Variants in PCSK6 observed in about 807,000 individuals in gnomAD.
The protein encoded by PCSK6 is proprotein convertase subtilisin/kexin type 6.
PCSK6 carries 85 observed loss-of-function variants against 123.3 expected under a neutral mutation model. The observed-to-expected ratio is 0.69, with a 90% CI of 0.58 to 0.83. The LOEUF is 0.83. PCSK6 is among the 40% of genes least tolerant of loss of function. The pLI is 0.00. For synonymous variants in PCSK6, 508 were observed against 516.0 expected (o/e 0.98, Z 0.21); for missense variants, 1,191 against 1,282.3 (o/e 0.93, Z 1.09).
At chr15:101,407,470 G>A (rs75648023) in intron 6 of PCSK6, among the ~76,000 whole-genome samples, 2,108 of 152,214 alleles carry the variant, frequency 0.014, 46 homozygotes, top group African/African-American at 0.047. Flanking sequence ...CATCAGGAGT[G>A]TGCTTTTCAC....
At chr15:101,478,977 T>C (rs539607764) in intron 1 of PCSK6, among the ~76,000 whole-genome samples, 13 of 152,342 alleles carry the variant, frequency 8.5e-5, no homozygotes, top group South Asian at 2.1e-4. Context: ...TCACAGGTCC[T>C]GATATAAAAA....
At chr15:101,402,142 C>G (rs994952435) in intron 6 of PCSK6, among the ~76,000 whole-genome samples, 1 of 147,410 alleles carries the variant, frequency 6.8e-6, no homozygotes, top group African/African-American at 2.5e-5. Flanking sequence ...TGATCTTTGA[C>G]AAACCTGAGA....
At chr15:101,347,666 C>T in intron 13 of PCSK6, 12 of 1,590,464 alleles carry the variant, frequency 7.5e-6, no homozygotes, top group Non-Finnish European at 6.9e-6. Context: ...CAAAGGCAGC[C>T]AAAGTTCTAA....
chr15:101,484,283 T>A (rs2057965702), intron 1 of PCSK6, among the ~76,000 whole-genome samples: 1 of 152,250 alleles, frequency 6.6e-6, no homozygotes, highest in Non-Finnish European at 1.5e-5. Flanking sequence ...CATTGCTAAC[T>A]AGAATTTGAT....
chr15:101,399,124 C>A (rs1157118162), intron 6 of PCSK6, among the ~76,000 whole-genome samples: 1 of 152,202 alleles, frequency 6.6e-6, no homozygotes, highest in African/African-American at 2.4e-5. Context: ...TGGTCTCGAA[C>A]TCCTGACCTC....
At chr15:101,467,330 T>C (rs139635088) in intron 1 of PCSK6, among the ~76,000 whole-genome samples, 3,872 of 151,226 alleles carry the variant, frequency 0.026, 172 homozygotes, top group African/African-American at 0.084. Context: ...TGGAGTGCAA[T>C]GGCACGATCA....
chr15:101,487,431 G>A (rs1166642363), intron 1 of PCSK6, among the ~76,000 whole-genome samples: 1 of 152,244 alleles, frequency 6.6e-6, no homozygotes, highest in Non-Finnish European at 1.5e-5. Flanking sequence ...AAAACCAGGA[G>A]AGCAGACTGC....
Position 101,366,313 on chromosome 15 carries a change from C to A in PCSK6, c.1741G>T (p.Glu581Ter). Residue 581 changes from glutamate to a stop codon, truncating the protein, a stop_gained, in exon 13 of 22, where the codon GAA becomes TAA. Transcript: ENST00000611716. LOFTEE classifies it high-confidence loss of function. ...ATGAATTCCCAGTTTGTAAACCCTT[C>A]ATTGGAAAGATCCAGCAACCTGCAA... ...LAKRLLDLSN[E>*]GFTNWEFMTV... is the part of the protein sequence containing the mutation. 2 of 1,612,808 alleles carry A rather than the reference C, an allele frequency of 1.2e-6. No individual in the cohort carries two copies. The highest frequency in any genetic ancestry group is 1.7e-6 in the Non-Finnish European group (2 of 1,179,392).
At chr15:101,413,035 G>GGAA (rs2055758385) in intron 6 of PCSK6, among the ~76,000 whole-genome samples, 1 of 151,456 alleles carries the variant, frequency 6.6e-6, no homozygotes, top group African/African-American at 2.4e-5. Flanking sequence ...AGGAGGAGGA[G>GGAA]GAGGAGGAAA....
At chr15:101,413,866 C>T (rs190613540) in intron 6 of PCSK6, among the ~76,000 whole-genome samples, 15 of 152,178 alleles carry the variant, frequency 9.9e-5, no homozygotes, top group Non-Finnish European at 1.9e-4. Context: ...CTGTATTGTA[C>T]TCTTCAAATT....
At chr15:101,434,581 T>C (rs1156894451) in intron 2 of PCSK6, among the ~76,000 whole-genome samples, 3 of 152,240 alleles carry the variant, frequency 2.0e-5, no homozygotes, top group Non-Finnish European at 4.4e-5. Flanking sequence ...TGTGATAGCC[T>C]GCGGCCCGCA....
intron 1 of PCSK6, among the ~76,000 whole-genome samples, chr15:101,467,845 C>T (rs999319132): frequency 2.6e-5 from 4 of 152,122 alleles, no homozygotes; most frequent in East Asian, 1.9e-4. Context: ...ACATCTACGC[C>T]GGAGATACGC....
At chr15:101,437,207 A>G (rs965926671) in intron 2 of PCSK6, among the ~76,000 whole-genome samples, 1 of 152,196 alleles carries the variant, frequency 6.6e-6, no homozygotes, top group Non-Finnish European at 1.5e-5. Context: ...CGAGTGAGGG[A>G]TTGGTCCTGT....
intron 2 of PCSK6, among the ~76,000 whole-genome samples, chr15:101,433,746 C>T (rs1248658376): frequency 6.6e-6 from 1 of 152,238 alleles, no homozygotes; most frequent in Non-Finnish European, 1.5e-5. Flanking sequence ...GACAAGATTT[C>T]TCTTCCTCCT....
chr15:101,387,207 C>T (rs988371643), intron 9 of PCSK6, among the ~76,000 whole-genome samples: 1 of 152,238 alleles, frequency 6.6e-6, no homozygotes, highest in African/African-American at 2.4e-5. Flanking sequence ...GCGGCCCACA[C>T]GCCAACCTCA....
rs373925654 is a variant in PCSK6, at chr15:101,331,966, C to A, written c.1924G>T (p.Ala642Ser). Reference protein sequence around the residue: ...TAEHPYHTFSAHQSRSRMLEL... With the variant: ...TAEHPYHTFSSHQSRSRMLEL... ...AGCATCCGCGAGCGGGACTGATGGG[C>A]ACTGAAGGTGTGGTACGGGTGCTCT... is the stretch of plus-strand genomic sequence containing the variant. Residue 642 changes from alanine (A) to serine (S), a missense_variant, in exon 14 of 22, where the codon GCC becomes TCC. Ala to Ser is a moderately conservative substitution (Grantham distance 99). Transcript: ENST00000611716. The A allele has an allele frequency of 3.5e-5, 56 of 1,613,696 alleles. No homozygotes were observed. The highest frequency in any genetic ancestry group is 4.6e-5 in the Non-Finnish European group (54 of 1,179,836).
chr15:101,362,231 C>T (rs577841483), intron 13 of PCSK6, among the ~76,000 whole-genome samples: 2 of 152,304 alleles, frequency 1.3e-5, no homozygotes, highest in East Asian at 1.9e-4. Flanking sequence ...GCTGGAATTA[C>T]AGGCATGAGC....
intron 4 of PCSK6, among the ~76,000 whole-genome samples, chr15:101,430,356 T>TA (rs2056409722): frequency 6.6e-6 from 1 of 152,022 alleles, no homozygotes; most frequent in African/African-American, 2.4e-5. Context: ...CACTCAACAC[T>TA]AACTCCCCAC....
In PCSK6 at chr15:101,393,459, A is replaced by C. The variant is rs376000432; in HGVS notation, c.997-35T>G. On this transcript the variant is annotated intron_variant, in intron 7 of 21. Transcript: ENST00000611716. The stretch of plus-strand genomic sequence containing the variant: ...CAAGAGGAACAAGGCTTAGCCCCGC[A>C]GCAGAACCTCGTAGGGTGGGTCTCC... 393 of 1,561,086 alleles carry C rather than the reference A, an allele frequency of 2.5e-4. 3 individuals carry two copies. The highest frequency in any genetic ancestry group is 1.6e-4 in the Non-Finnish European group (187 of 1,148,392).
Sources: allele counts gnomAD v4.1 joint callset (sites outside exome capture counted in the v4.1 genomes callset), GRCh38; gene constraint gnomAD v4.1.1; transcripts MANE v1.5; gene names NCBI Gene and HGNC (gene_info 2026-07-23, HGNC 2026-07-21).